Variants in CHD9 observed in about 807,000 individuals in gnomAD.
The protein encoded by CHD9 is chromodomain helicase DNA binding protein 9.
Under a neutral mutation model 316.1 loss-of-function variants are expected in CHD9, and 77 were observed. The observed-to-expected ratio is 0.24, with a 90% CI of 0.20 to 0.29. CHD9 has a LOEUF of 0.29. CHD9 is among the 10% of genes least tolerant of loss of function. The pLI, the probability that CHD9 is intolerant of heterozygous loss-of-function variation, is 1.00. For synonymous variants in CHD9, 1,129 were observed against 1,158.3 expected (o/e 0.97, Z 0.51); for missense variants, 2,763 against 3,438.1 (o/e 0.80, Z 4.91).
At chr16:53,323,940 A>C (rs553764135) in intron 38 of CHD9, 80 bp from the exon 39 acceptor site, 3 of 1,178,632 alleles carry the variant, frequency 2.5e-6, no homozygotes, top group East Asian at 2.4e-5. Context: ...CCTATTTTTC[A>C]TGGTTATTTG....
intron 1 of CHD9, among the ~76,000 whole-genome samples, chr16:53,132,965 C>T (rs908938577): frequency 6.6e-6 from 1 of 152,038 alleles, no homozygotes; most frequent in Non-Finnish European, 1.5e-5. Context: ...CGCGCCACCA[C>T]GCCCGGCCGT....
chr16:53,222,808 A>T (rs781642870), intron 4 of CHD9, 53 bp downstream of exon 4: 1 of 829,658 alleles, frequency 1.2e-6, no homozygotes. Context: ...TGATTTAGTT[A>T]GCATAATATT....
intron 37 of CHD9, among the ~76,000 whole-genome samples, chr16:53,319,473 A>G (rs2057119218): frequency 6.6e-6 from 1 of 152,190 alleles, no homozygotes; most frequent in African/African-American, 2.4e-5. Context: ...TTTTGTAGAG[A>G]TAGCTTTTTC....
chr16:53,206,847 A>G (rs1052905074), intron 2 of CHD9, among the ~76,000 whole-genome samples: 3 of 152,160 alleles, frequency 2.0e-5, no homozygotes, highest in Admixed American at 1.3e-4. Flanking sequence ...TTATTACCCT[A>G]TTATTAATCA....
At chr16:53,225,768 T>G (rs1326323081) in intron 4 of CHD9, among the ~76,000 whole-genome samples, 1 of 152,052 alleles carries the variant, frequency 6.6e-6, no homozygotes, top group Non-Finnish European at 1.5e-5. Flanking sequence ...TCTTTTTAAA[T>G]ATTTTATATT....
chr16:53,285,553 C>G, intron 24 of CHD9, 43 bp from the exon 25 acceptor site: 1 of 1,316,640 alleles, frequency 7.6e-7, no homozygotes, highest in Non-Finnish European at 1.1e-6. Flanking sequence ...CTTTTTGACT[C>G]ATTTATAATA....
intron 1 of CHD9, among the ~76,000 whole-genome samples, chr16:53,060,239 A>T (rs2032699246): frequency 6.6e-6 from 1 of 151,860 alleles, no homozygotes; most frequent in African/African-American, 2.4e-5. Context: ...GCTATACAAA[A>T]ACAGGCAGTA....
intron 2 of CHD9, among the ~76,000 whole-genome samples, chr16:53,180,674 A>T (rs568356463): frequency 6.6e-6 from 1 of 151,518 alleles, no homozygotes; most frequent in Non-Finnish European, 1.5e-5. Context: ...TTATTTTTTT[A>T]AATTTATTAT....
At chr16:53,079,129 G>A (rs1567312342) in intron 1 of CHD9, among the ~76,000 whole-genome samples, 1 of 152,080 alleles carries the variant, frequency 6.6e-6, no homozygotes, top group Non-Finnish European at 1.5e-5. Context: ...GAGTATGAAG[G>A]GACCTGGGAA....
chr16:53,088,275 C>T (rs2035635401), intron 1 of CHD9, among the ~76,000 whole-genome samples: 3 of 127,050 alleles, frequency 2.4e-5, no homozygotes, highest in East Asian at 2.3e-4. Flanking sequence ...ATGACATGCA[C>T]TTTGTTTTTT....
chr16:53,222,525 C>A, intron 3 of CHD9, 119 bp from the exon 4 acceptor site: 1 of 593,668 alleles, frequency 1.7e-6, no homozygotes, highest in South Asian at 2.2e-5. Flanking sequence ...GATTATCATC[C>A]TTGGTTGGAC....
At chr16:53,109,217 G>GA (rs1011502731) in intron 1 of CHD9, among the ~76,000 whole-genome samples, 4 of 152,134 alleles carry the variant, frequency 2.6e-5, no homozygotes, top group African/African-American at 7.2e-5. Flanking sequence ...GGGGGCACAG[G>GA]AAAAAGGCTG....
intron 1 of CHD9, among the ~76,000 whole-genome samples, chr16:53,120,091 G>A (rs2038624086): frequency 2.0e-5 from 3 of 151,924 alleles, no homozygotes; most frequent in Admixed American, 1.3e-4. Flanking sequence ...AAATTAGCTG[G>A]TCATGGTGGC....
chr16:53,175,357 T>C (rs1441447597), intron 2 of CHD9, among the ~76,000 whole-genome samples: 1 of 152,232 alleles, frequency 6.6e-6, no homozygotes, highest in African/African-American at 2.4e-5. Flanking sequence ...TTCTGCAGTT[T>C]GCAGTAAGCT....
chr16:53,055,198 C>T lies in CHD9; in HGVS notation c.-165+121C>T, dbSNP rs375968869. 10 of 152,850 alleles carry T rather than the reference C, an allele frequency of 6.5e-5. No homozygotes were observed. In the East Asian group the frequency reaches 1.5e-3, roughly 23 times the overall value. The allele number at this position is 152,850 out of a possible 1,614,324, so 9.5% of individuals were successfully genotyped here. Reference sequence around the variant, plus strand: ...AACCGGAGGAGTCGGGGCGGCAGCACGTGTTGTAGCCGTGGGGGGGACCCA... The same window carrying T: ...AACCGGAGGAGTCGGGGCGGCAGCATGTGTTGTAGCCGTGGGGGGGACCCA... On this transcript the variant is annotated intron_variant, in intron 1 of 38. Transcript: ENST00000447540.
intron 1 of CHD9, among the ~76,000 whole-genome samples, chr16:53,094,177 G>A (rs1046330768): frequency 3.3e-5 from 5 of 152,222 alleles, no homozygotes; most frequent in African/African-American, 1.2e-4. Context: ...AGGCCTATGG[G>A]CTTGGTGACC....
intron 1 of CHD9, among the ~76,000 whole-genome samples, chr16:53,071,490 G>T (rs1261977852): frequency 6.6e-6 from 1 of 152,170 alleles, no homozygotes; most frequent in South Asian, 2.1e-4. Context: ...TCTTCCTGGG[G>T]TAGGAATGGG....
chr16:53,318,083 G>A, intron 36 of CHD9, 129 bp from the exon 37 acceptor site: 1 of 676,968 alleles, frequency 1.5e-6, no homozygotes, highest in Non-Finnish European at 2.3e-6. Flanking sequence ...AAAAAGTTTA[G>A]ATATTTTTAA....
intron 2 of CHD9, among the ~76,000 whole-genome samples, chr16:53,207,627 C>G (rs2045987805): frequency 6.6e-6 from 1 of 152,070 alleles, no homozygotes; most frequent in South Asian, 2.1e-4. Flanking sequence ...TGCATGACCT[C>G]TTTAACCCTT....
Sources: gnomAD v4.1 joint callset for allele counts (sites outside exome capture counted in the v4.1 genomes callset) on GRCh38, gnomAD v4.1.1 for gene constraint, MANE v1.5 for transcripts, NCBI Gene and HGNC (gene_info 2026-07-23, HGNC 2026-07-21) for gene names.